Variants in NOMO1 observed in about 807,000 individuals in gnomAD.
NOMO1 encodes NODAL modulator 1, also known as nodal modulator 3.
In NOMO1, 40 loss-of-function variants were observed where a neutral mutation model predicts 133.8. The observed-to-expected ratio is 0.30, with a 90% confidence interval of 0.23 to 0.39. The LOEUF (loss-of-function observed/expected upper bound fraction) is 0.39. Among genes scored for constraint, NOMO1 ranks in the 10% least tolerant of loss-of-function variants. The pLI is 1.00. For synonymous variants in NOMO1, 236 were observed against 570.5 expected (o/e 0.41, Z 8.36); for missense variants, 462 against 1,419.9 (o/e 0.33, Z 10.84).
chr16:14,860,843 A>C (rs1788257280), intron 11 of NOMO1, among the ~76,000 whole-genome samples: 1 of 151,834 alleles, frequency 6.6e-6, no homozygotes, highest in Non-Finnish European at 1.5e-5. Flanking sequence ...GATACTTCTT[A>C]CTATTTCTTT....
At chr16:14,843,300 G>T (rs1311532750) in intron 3 of NOMO1, among the ~76,000 whole-genome samples, 111 of 142,552 alleles carry the variant, frequency 7.8e-4, no homozygotes, top group Admixed American at 1.1e-3. Context: ...ACCGATTTTG[G>T]CCACTAAGAG....
chr16:14,845,379 C>T (rs1190391669), intron 4 of NOMO1, among the ~76,000 whole-genome samples: 2 of 151,866 alleles, frequency 1.3e-5, no homozygotes, highest in East Asian at 3.9e-4. Context: ...ACAGGGATGC[C>T]GAATTGGAAG....
intron 24 of NOMO1, among the ~76,000 whole-genome samples, 169 bp from the exon 25 acceptor site, chr16:14,881,375 C>T (rs888467781): frequency 2.0e-5 from 3 of 152,046 alleles, no homozygotes; most frequent in Non-Finnish European, 4.4e-5. Context: ...ATCCCTCCGG[C>T]AGGAAGGTGT....
rs375386997 is a variant in NOMO1 at position 14,866,506 on chromosome 16, G to A, written c.1670-49G>A. On this transcript the variant is annotated intron_variant, in intron 14 of 30. Coordinates refer to ENST00000287667, the MANE Select transcript of NOMO1 (RefSeq NM_014287.4). ...ATTGTTTCTGGTGGCGTGGAGGGAG[G>A]TGGTGTGCTCCACGCCCATGTATCC... The A allele has an allele frequency of 6.2e-6, 10 of 1,610,082 alleles. 1 individual carries two copies. The African/African-American group carries it at 1.4e-4, about 22-fold the overall frequency.
intron 29 of NOMO1, among the ~76,000 whole-genome samples, chr16:14,892,744 C>T (rs532498463): frequency 2.6e-5 from 4 of 151,526 alleles, no homozygotes; most frequent in Non-Finnish European, 4.4e-5. Context: ...AACAAGCCTT[C>T]GAGCAGGTGT....
chr16:14,859,893 G>C lies in NOMO1; in HGVS notation c.1220+2238G>C, dbSNP rs1469208356. Among the ~76,000 whole-genome samples the C allele has an allele frequency of 1.3e-5, 2 of 152,048 alleles. 1 individual carries two copies. The highest frequency in any genetic ancestry group is 4.8e-5 in the African/African-American group (2 of 41,362). Reference sequence around the variant, plus strand: ...AGACCTTAGTAAAGACTAAAAGTTAGCTAAAGAAAGATCTTCCCTAGTAGA... The same window carrying C: ...AGACCTTAGTAAAGACTAAAAGTTACCTAAAGAAAGATCTTCCCTAGTAGA... On this transcript the variant is annotated intron_variant, in intron 11 of 30. Coordinates refer to ENST00000287667, the MANE Select transcript of NOMO1 (RefSeq NM_014287.4).
At chr16:14,856,105 A>G (rs1340813969) in intron 9 of NOMO1, among the ~76,000 whole-genome samples, 1 of 152,114 alleles carries the variant, frequency 6.6e-6, no homozygotes, top group African/African-American at 2.4e-5. Flanking sequence ...GGAGTCAGTT[A>G]TTGAGTGCCT....
At chr16:14,880,837 C>T (rs1322221760) in intron 24 of NOMO1, among the ~76,000 whole-genome samples, 1 of 150,836 alleles carries the variant, frequency 6.6e-6, no homozygotes, top group Non-Finnish European at 1.5e-5. Context: ...TTCTGGGAGA[C>T]AACCAGTACT....
chr16:14,892,745 G>A (rs1416480244), intron 29 of NOMO1, among the ~76,000 whole-genome samples: 171 of 151,116 alleles, frequency 1.1e-3, no homozygotes, highest in Non-Finnish European at 1.7e-3. Context: ...ACAAGCCTTC[G>A]AGCAGGTGTG....
chr16:14,857,786 T>C, intron 11 of NOMO1, 131 bp downstream of exon 11: 11 of 956,146 alleles, frequency 1.2e-5, no homozygotes, highest in Non-Finnish European at 1.7e-5. Context: ...TTTTTTTTTT[T>C]TTTTTGAGAG....
intron 1 of NOMO1, among the ~76,000 whole-genome samples, chr16:14,836,748 G>C (rs1288997082): frequency 3.4e-5 from 5 of 147,888 alleles, no homozygotes; most frequent in African/African-American, 1.0e-4. Flanking sequence ...GCCCAGGCCG[G>C]ACTGCAGACT....
intron 28 of NOMO1, among the ~76,000 whole-genome samples, chr16:14,887,566 C>T (rs1024758079): frequency 7.9e-5 from 12 of 151,760 alleles, no homozygotes; most frequent in African/African-American, 2.9e-4. Context: ...TCCCAAAGTG[C>T]TGAGATTACA....
chr16:14,859,239 T>C (rs1054312047), intron 11 of NOMO1, among the ~76,000 whole-genome samples: 1 of 151,858 alleles, frequency 6.6e-6, no homozygotes, highest in Non-Finnish European at 1.5e-5. Flanking sequence ...TGGGCCCTGG[T>C]GAACACAGTC....
intron 5 of NOMO1, among the ~76,000 whole-genome samples, chr16:14,847,278 TG>T (rs1289479625): frequency 2.0e-5 from 1 of 49,922 alleles, no homozygotes; most frequent in African/African-American, 8.7e-5. Context: ...CTTCAAGGCC[TG>T]GGGCTTAGTG....
At chr16:14,873,981 C>T (rs964391262) in intron 18 of NOMO1, among the ~76,000 whole-genome samples, 2 of 151,320 alleles carry the variant, frequency 1.3e-5, no homozygotes, top group African/African-American at 2.4e-5. Flanking sequence ...AATCAAAATA[C>T]ACCCGTCATC....
intron 29 of NOMO1, among the ~76,000 whole-genome samples, chr16:14,891,389 G>A (rs969840078): frequency 6.6e-6 from 1 of 151,148 alleles, no homozygotes; most frequent in African/African-American, 2.4e-5. Context: ...TTCCCAATTT[G>A]TCATTTATCT....
chr16:14,881,795 G>A, intron 25 of NOMO1, 110 bp downstream of exon 25: 18 of 1,121,942 alleles, frequency 1.6e-5, no homozygotes, highest in Admixed American at 2.4e-5. Flanking sequence ...GAGGGCTGGG[G>A]GTGGGGCTCT....
chr16:14,872,120 TA>T, intron 17 of NOMO1, 113 bp from the exon 18 acceptor site: 1 of 1,375,942 alleles, frequency 7.3e-7, no homozygotes, highest in Non-Finnish European at 1.0e-6. Flanking sequence ...TACCCCAGAC[TA>T]AGAGCAATTT....
At chr16:14,840,947 G>A (rs1193728355) in intron 2 of NOMO1, among the ~76,000 whole-genome samples, 2 of 151,728 alleles carry the variant, frequency 1.3e-5, no homozygotes, top group Non-Finnish European at 2.9e-5. Context: ...GATTATAGGT[G>A]TGAGGTGCTG....
Sources: allele counts gnomAD v4.1 joint callset (sites outside exome capture counted in the v4.1 genomes callset), GRCh38; gene constraint gnomAD v4.1.1; transcripts MANE v1.5; gene names NCBI Gene and HGNC (gene_info 2026-07-23, HGNC 2026-07-21).